Variants in COL3A1 observed in about 807,000 individuals in gnomAD.
The protein encoded by COL3A1 is collagen alpha-1(III) chain.
COL3A1 carries 46 observed loss-of-function variants against 200.9 expected under a neutral mutation model. That is an observed-to-expected ratio of 0.23 (90% CI 0.18 to 0.29). The LOEUF (loss-of-function observed/expected upper bound fraction) is 0.29. Among genes scored for constraint, COL3A1 ranks in the 10% least tolerant of loss-of-function variants. The probability of loss-of-function intolerance (pLI) is 1.00; values close to 1 mark genes in which losing one functional copy is unlikely to be tolerated. For missense variants in COL3A1, 1,367 were observed against 1,917.6 expected, an observed-to-expected ratio of 0.71 and a Z score of 5.36; for synonymous variants, 650 against 628.0, an observed-to-expected ratio of 1.03 and a Z score of -0.52.
intron 47 of COL3A1, 77 bp downstream of exon 47, chr2:189,008,219 T>C: frequency 7.9e-7 from 1 of 1,261,588 alleles, no homozygotes. Context: ...GCATTATGTT[T>C]AAATTGAAAT....
In COL3A1 at chr2:189,010,841, C is replaced by T; in HGVS notation, c.4205C>T (p.Ala1402Val). Residue 1402 changes from alanine to valine, a missense_variant, in exon 50 of 51, where the codon GCT (alanine) becomes GTT (valine). Around this residue, in one of 5 missense-constraint regions of COL3A1, gnomAD observed 846 missense variants for 1,147.9 expected, o/e 0.74. Coordinates refer to ENST00000304636, the MANE Select transcript of COL3A1 (RefSeq NM_000090.4). ...GGGTCAAATGAAGGTGAATTCAAGG[C>T]TGAAGGAAATAGCAAATTCACCTAC... ...LMGSNEGEFK[A>V]EGNSKFTYTV... The T allele has an allele frequency of 1.9e-6, 3 of 1,614,094 alleles. No individual in the cohort carries two copies. Among genetic ancestry groups the T allele is most frequent in the Non-Finnish European group, 2.5e-6 (3 of 1,179,998 alleles).
chr2:188,996,410 G>A lies in COL3A1; in HGVS notation c.1675G>A (p.Glu559Lys). The A allele has an allele frequency of 1.2e-6, 2 of 1,613,730 alleles. No individual in the cohort carries two copies. The highest frequency in any genetic ancestry group is 1.7e-6 in the Non-Finnish European group (2 of 1,179,888). ...GKPGPPGSQG[E>K]SGRPGPPGPS... ...TTTTTCTTATTAGGGAAGTCAAGGA[G>A]AAAGTGGTCGACCAGGTCCTCCTGG... is the stretch of plus-strand genomic sequence containing the variant. The change falls in exon 24 of 51, where the codon GAA (glutamate) becomes AAA (lysine). Residue 559 changes from glutamate (E) to lysine (K), a missense_variant. This residue lies in a region of COL3A1 where 462 missense variants were observed against 681.4 expected (regional missense o/e 0.68). Transcript: ENST00000304636.
intron 42 of COL3A1, 29 bp downstream of exon 42, chr2:189,006,288 G>A (rs376663622): frequency 6.1e-5 from 98 of 1,613,888 alleles, no homozygotes; most frequent in Non-Finnish European, 7.8e-5. Flanking sequence ...CAATTGATTT[G>A]TGTTATCAAA....
chr2:189,011,599 GA>G, intron 50 of COL3A1, 28 bp from the exon 51 acceptor site: 1 of 1,613,634 alleles, frequency 6.2e-7, no homozygotes, highest in East Asian at 2.2e-5. Flanking sequence ...GTAATGTCAT[GA>G]TCATGTACAT....
intron 1 of COL3A1, among the ~76,000 whole-genome samples, chr2:188,977,388 G>T (rs781252484): frequency 5.9e-5 from 9 of 152,094 alleles, no homozygotes; most frequent in Non-Finnish European, 1.2e-4. Context: ...TGGACTCAGA[G>T]AATCAGTTTC....
chr2:188,976,070 C>T (rs1027107398), intron 1 of COL3A1, among the ~76,000 whole-genome samples: 1 of 151,896 alleles, frequency 6.6e-6, no homozygotes. Context: ...CATTCCTCTC[C>T]CCTTTTCCTC....
chr2:188,978,911 T>G (rs970186012), intron 1 of COL3A1, among the ~76,000 whole-genome samples: 1 of 151,938 alleles, frequency 6.6e-6, no homozygotes, highest in African/African-American at 2.4e-5. Context: ...TTGGGGGAGT[T>G]ACATTAACCA....
intron 34 of COL3A1, 151 bp downstream of exon 34, chr2:189,001,740 GCAAGGGAATGTTAAATTTC>G: frequency 1.4e-6 from 1 of 740,670 alleles, no homozygotes; most frequent in Non-Finnish European, 2.3e-6. Context: ...CATATAGCAT[GCAAGGGAATGTTAAATTTC>G]TTAAATCTAA....
At chr2:188,987,875 A>G (rs1432431127) in intron 5 of COL3A1, among the ~76,000 whole-genome samples, 51 of 152,104 alleles carry the variant, frequency 3.4e-4, no homozygotes, top group Admixed American at 3.3e-3. Flanking sequence ...TTAATAATTT[A>G]TATAGAATCT....
At chr2:188,978,739 C>G (rs891321019) in intron 1 of COL3A1, among the ~76,000 whole-genome samples, 3 of 132,798 alleles carry the variant, frequency 2.3e-5, no homozygotes, top group African/African-American at 8.6e-5. Flanking sequence ...AAAGCTCAAT[C>G]CCATTGTTTC....
chr2:189,009,597 T>A (rs1286862625), intron 48 of COL3A1, among the ~76,000 whole-genome samples: 1 of 152,170 alleles, frequency 6.6e-6, no homozygotes, highest in Admixed American at 6.5e-5. Flanking sequence ...ATTAAAATTT[T>A]CAAATTAAAC....
rs775286439 is a variant in COL3A1, at chr2:188,998,735, T to C, written c.2022+17T>C. The C allele has an allele frequency of 4.8e-5, 78 of 1,611,506 alleles. 1 individual carries two copies. The South Asian group carries it at 7.8e-4, about 16-fold the overall frequency. On this transcript the variant is annotated intron_variant, in intron 29 of 50. Transcript: ENST00000304636. ...GGAGGCAAGGTAGTATTTCAATTTA[T>C]TCTCTACCTTCTTCAGCAGGTTATA...
intron 29 of COL3A1, 53 bp downstream of exon 29, chr2:188,998,771 T>G: frequency 1.3e-6 from 2 of 1,533,398 alleles, no homozygotes; most frequent in Non-Finnish European, 1.8e-6. Context: ...GAGCAATTGA[T>G]TAGTAGTATA....
rs1304362197 is a variant in COL3A1, at chr2:189,008,980, T to C, written c.3582T>C (p.Gly1194=). 6.2e-7 allele frequency: 1 copy of C among 1,614,066 alleles called. No individual in the cohort carries two copies. Among genetic ancestry groups the C allele is most frequent in the East Asian group, 2.2e-5 (1 of 44,894 alleles). ...CTCCTGGACCTCCTGGTGCCCCTGGTCCTTGCTGTGGTGGTGTTGGAGCCG... is the reference window on the plus strand; with the variant it reads ...CTCCTGGACCTCCTGGTGCCCCTGGCCCTTGCTGTGGTGGTGTTGGAGCCG... The part of the protein sequence containing the change: ...PGPPGPPGAP[G]PCCGGVGAAA... Residue 1194 remains glycine, a synonymous_variant, in exon 48 of 51, where the codon GGT becomes GGC. Coordinates refer to ENST00000304636, the MANE Select transcript of COL3A1 (RefSeq NM_000090.4).
chr2:188,992,335 A>AT, intron 14 of COL3A1, 107 bp downstream of exon 14: 1 of 958,038 alleles, frequency 1.0e-6, no homozygotes, highest in South Asian at 1.5e-5. Flanking sequence ...ATATATATGC[A>AT]TATGTATATC....
In COL3A1 at chr2:188,997,377, C is replaced by A; in HGVS notation, c.1857C>A (p.Pro619=). 1 of 1,613,700 alleles carries A rather than the reference C, an allele frequency of 6.2e-7. No individual in the cohort carries two copies. The highest frequency in any genetic ancestry group is 8.5e-7 in the Non-Finnish European group (1 of 1,179,714). Residue 619 remains proline (P), a synonymous_variant, in exon 26 of 51, where the codon CCC becomes CCA. Coordinates refer to ENST00000304636, the MANE Select transcript of COL3A1 (RefSeq NM_000090.4). ...ATGGTGAAACTGGACCTCAGGGACCCCCAGGGCCTACTGTAAGTTCACTCA... is the reference window on the plus strand; with the variant it reads ...ATGGTGAAACTGGACCTCAGGGACCACCAGGGCCTACTGTAAGTTCACTCA... ...GKNGETGPQG[P]PGPTGPGGDK...
In COL3A1 at chr2:189,008,001, A is replaced by G. The variant is rs1226548711; in HGVS notation, c.3418-34A>G. ...TCAGATGTCTGCATTTCAGAAAGAT[A>G]TTCTGGCATTGTGATGTCATGATAC... On this transcript the variant is annotated intron_variant, in intron 46 of 50. Coordinates refer to ENST00000304636, the MANE Select transcript of COL3A1 (RefSeq NM_000090.4). The G allele has an allele frequency of 6.8e-6, 11 of 1,613,864 alleles. No homozygotes were observed. The South Asian group carries it at 9.9e-5, about 14-fold the overall frequency.
intron 22 of COL3A1, 118 bp downstream of exon 22, chr2:188,995,908 A>C: frequency 9.8e-7 from 1 of 1,023,294 alleles, no homozygotes; most frequent in Non-Finnish European, 1.5e-6. Flanking sequence ...TAAGGCACCA[A>C]ACAAAACAAA....
At chr2:188,985,357 A>G in intron 3 of COL3A1, 110 bp downstream of exon 3, 1 of 863,060 alleles carries the variant, frequency 1.2e-6, no homozygotes, top group Non-Finnish European at 1.9e-6. Context: ...ATTACCACAT[A>G]TTTGAATAAT....
Sources: allele counts gnomAD v4.1 joint callset (sites outside exome capture counted in the v4.1 genomes callset), GRCh38; gene constraint gnomAD v4.1.1; regional missense constraint gnomAD v4.1.1; transcripts MANE v1.5; gene names NCBI Gene and HGNC (gene_info 2026-07-23, HGNC 2026-07-21).